The following SEPTIN9 variants were observed in gnomAD, a reference collection of about 807,000 sequenced individuals.
SEPTIN9 encodes septin-9.
In SEPTIN9, 13 loss-of-function variants were observed where a neutral mutation model predicts 56.6. The ratio of observed to expected loss-of-function variants is 0.23; its 90% CI spans 0.15 to 0.37. The LOEUF (loss-of-function observed/expected upper bound fraction) is 0.37, where lower values mean the gene tolerates loss of function less well. Ranked by LOEUF, SEPTIN9 falls within the 10% of genes least tolerant of loss-of-function variation. The pLI is 1.00. For missense variants in SEPTIN9, 650 were observed against 823.1 expected, an observed-to-expected ratio of 0.79 and a Z score of 2.57; for synonymous variants, 332 against 334.1, an observed-to-expected ratio of 0.99 and a Z score of 0.07.
At chr17:77,491,896 G>C (rs1161974403) in intron 8 of SEPTIN9, among the ~76,000 whole-genome samples, 1 of 151,896 alleles carries the variant, frequency 6.6e-6, no homozygotes. Context: ...GTGGGATAGG[G>C]AGGGGCATCC....
intron 2 of SEPTIN9, among the ~76,000 whole-genome samples, chr17:77,331,009 A>G (rs11868784): frequency 0.46 from 70,207 of 152,012 alleles, 16,957 homozygotes; most frequent in East Asian, 0.78. Context: ...CCATGCCAGC[A>G]GGCCCTGCTG....
chr17:77,298,995 G>T (rs1215963465), intron 1 of SEPTIN9, among the ~76,000 whole-genome samples: 3 of 152,100 alleles, frequency 2.0e-5, no homozygotes, highest in African/African-American at 7.2e-5. Flanking sequence ...GGCTTTAAAA[G>T]CTCCTCACTC....
At chr17:77,439,709 G>A (rs2037476154) in intron 3 of SEPTIN9, among the ~76,000 whole-genome samples, 1 of 152,170 alleles carries the variant, frequency 6.6e-6, no homozygotes, top group African/African-American at 2.4e-5. Context: ...CTTTATGACC[G>A]GCCCTGTCAC....
intron 1 of SEPTIN9, chr17:77,287,797 G>C: frequency 2.5e-6 from 2 of 807,504 alleles, no homozygotes; most frequent in South Asian, 5.8e-5. Context: ...AATCTGACCT[G>C]GTTCTCCAAA....
chr17:77,386,992 A>G (rs1348124472), intron 2 of SEPTIN9, among the ~76,000 whole-genome samples: 1 of 152,206 alleles, frequency 6.6e-6, no homozygotes, highest in Non-Finnish European at 1.5e-5. Context: ...GAAGAGTGGG[A>G]CACACGGGTG....
At chr17:77,343,003 G>GTCTGTCTGTCTGTCTGTCTGTCTATCTA (rs71160228) in intron 2 of SEPTIN9, among the ~76,000 whole-genome samples, 1 of 147,142 alleles carries the variant, frequency 6.8e-6, no homozygotes, top group African/African-American at 2.6e-5. Context: ...CTGTCTGTCT[G>GTCTGTCTGTCTGTCTGTCTGTCTATCTA]TCTATCTATC....
chr17:77,281,501 C>G lies in SEPTIN9; in HGVS notation c.-35C>G. 3 of 1,545,950 alleles carry G rather than the reference C, an allele frequency of 1.9e-6. 1 individual carries two copies. The highest frequency in any genetic ancestry group is 2.4e-5 in the South Asian group (2 of 83,792). On this transcript the variant is annotated 5_prime_UTR_variant, in exon 1 of 12. Coordinates refer to ENST00000427177, the MANE Select transcript of SEPTIN9 (RefSeq NM_001113491.2). ...AGCGCGCGCCCCGCTGCCTCGCCGC[C>G]ACACTTTCCTGGGAGCGGCGGCCAC...
At chr17:77,395,718 T>C (rs1333996453) in intron 2 of SEPTIN9, among the ~76,000 whole-genome samples, 2 of 152,230 alleles carry the variant, frequency 1.3e-5, no homozygotes, top group Non-Finnish European at 2.9e-5. Flanking sequence ...TGCACATGTG[T>C]GTATGAAATG....
chr17:77,340,114 C>A (rs984602914), intron 2 of SEPTIN9, among the ~76,000 whole-genome samples: 1 of 151,406 alleles, frequency 6.6e-6, no homozygotes, highest in Non-Finnish European at 1.5e-5. Context: ...CAGCTGTGAG[C>A]CACCGTGCTT....
rs1465485731 is a variant in SEPTIN9, at chr17:77,402,509, C to A, written c.527C>A (p.Pro176His). 2 of 1,603,856 alleles carry A rather than the reference C, an allele frequency of 1.2e-6. No individual in the cohort carries two copies. The highest frequency in any genetic ancestry group is 2.2e-5 in the South Asian group (2 of 89,578). The change falls in exon 3 of 12, where the codon CCC becomes CAC. Residue 176 changes from proline to histidine, a missense_variant. This residue lies in a region of SEPTIN9 where 317 missense variants were observed against 329.1 expected (regional missense o/e 0.96). Coordinates refer to ENST00000427177, the MANE Select transcript of SEPTIN9 (RefSeq NM_001113491.2). This position sits in a 1 kb window ranked among gnomAD's most constrained non-coding sequence, Gnocchi z 6.6. ...CCTGCCTCCAAGGTCCCCGAGGTGC[C>A]CACTGCCCCTGCCACCGACGCAGCC... ...EPPASKVPEVPTAPATDAAPK... is the reference protein window; with the variant it reads ...EPPASKVPEVHTAPATDAAPK...
rs1206178400 is a variant in SEPTIN9, at chr17:77,499,207, G to A, written c.*549G>A. ...TACCCCTGCCCTGCTCCTAAGGGTA[G>A]AAAACTCCAGGGTCCCCTGCCACCG... is the stretch of plus-strand genomic sequence containing the variant. On this transcript the variant is annotated 3_prime_UTR_variant, in exon 12 of 12. Coordinates refer to ENST00000427177, the MANE Select transcript of SEPTIN9 (RefSeq NM_001113491.2). The A allele has an allele frequency of 1.8e-6, 1 of 560,486 alleles. No individual in the cohort carries two copies. The highest frequency in any genetic ancestry group is 3.4e-6 in the Non-Finnish European group (1 of 290,370). The allele number at this position is 560,486 out of a possible 1,614,324, so 34.7% of individuals were successfully genotyped here.
At chr17:77,365,514 G>C (rs1449171746) in intron 2 of SEPTIN9, among the ~76,000 whole-genome samples, 1 of 152,056 alleles carries the variant, frequency 6.6e-6, no homozygotes, top group Non-Finnish European at 1.5e-5. Context: ...GGTAGGTACT[G>C]AGCTCCCTGT....
chr17:77,295,696 C>T (rs1478547523), intron 1 of SEPTIN9, among the ~76,000 whole-genome samples: 1 of 152,118 alleles, frequency 6.6e-6, no homozygotes, highest in East Asian at 1.9e-4. Context: ...GCTCCCCTCT[C>T]TTCCCACCCC....
intron 2 of SEPTIN9, chr17:77,320,383 C>G (rs1296971151): frequency 6.3e-7 from 1 of 1,584,324 alleles, no homozygotes; most frequent in East Asian, 2.2e-5. Flanking sequence ...CGGCCGCCCC[C>G]CACTGCCCTG....
intron 1 of SEPTIN9, among the ~76,000 whole-genome samples, chr17:77,300,056 A>G (rs2031969935): frequency 6.6e-6 from 1 of 152,160 alleles, no homozygotes; most frequent in Admixed American, 6.5e-5. Flanking sequence ...CTTCCGCTTC[A>G]CAGGGAGGAT....
rs534346346 is a variant in SEPTIN9, at chr17:77,436,725, C to T, written c.721+34022C>T. On this transcript the variant is annotated intron_variant, in intron 3 of 11. Coordinates refer to ENST00000427177, the MANE Select transcript of SEPTIN9 (RefSeq NM_001113491.2). This position sits in a 1 kb window ranked among gnomAD's most constrained non-coding sequence, Gnocchi z 4.4. ...GGCGGAGGTGGGCAAAAGCCGCTTC[C>T]GGGCAGCCAGCCCCCATCCTGGGAG... Among the ~76,000 whole-genome samples, 13 of 152,376 alleles carry T rather than the reference C, an allele frequency of 8.5e-5. No individual in the cohort carries two copies. The highest frequency in any genetic ancestry group is 1.9e-4 in the African/African-American group (8 of 41,594).
rs1424724472 is a variant in SEPTIN9 at position 77,436,231 on chromosome 17, G to C, written c.721+33528G>C. Among the ~76,000 whole-genome samples, 1 of 152,192 alleles carries C rather than the reference G, an allele frequency of 6.6e-6. No individual in the cohort carries two copies. The highest frequency in any genetic ancestry group is 1.5e-5 in the Non-Finnish European group (1 of 68,034). ...CCTCTCCAGCTTTCCCAGGGAAAGG[G>C]CAGGAACAGAGAGGCCTTATCTTCA... On this transcript the variant is annotated intron_variant, in intron 3 of 11. Coordinates refer to ENST00000427177, the MANE Select transcript of SEPTIN9 (RefSeq NM_001113491.2). This position sits in a 1 kb window ranked among gnomAD's most constrained non-coding sequence, Gnocchi z 4.4.
At chr17:77,334,655 C>G (rs1264321739) in intron 2 of SEPTIN9, among the ~76,000 whole-genome samples, 1 of 151,870 alleles carries the variant, frequency 6.6e-6, no homozygotes, top group Non-Finnish European at 1.5e-5. Flanking sequence ...AAATCTTTGC[C>G]TACACTAAGG....
At position 77,319,435 on chromosome 17, in the gene SEPTIN9, C is replaced by A; in HGVS notation, c.76+12238C>A. On this transcript the variant is annotated intron_variant, in intron 2 of 11. Coordinates refer to ENST00000427177, the MANE Select transcript of SEPTIN9 (RefSeq NM_001113491.2). The surrounding 1 kb of genome is among the most constrained non-coding windows in gnomAD (Gnocchi z 5.3). Reference sequence around the variant, plus strand: ...CTCCCAGGGGACGGCTAGAGACTCACTGACTCATGCGTGTGTGGTAGGAAT... The same window carrying A: ...CTCCCAGGGGACGGCTAGAGACTCAATGACTCATGCGTGTGTGGTAGGAAT... 1 of 569,648 alleles carries A rather than the reference C, an allele frequency of 1.8e-6. No homozygotes were observed. The highest frequency in any genetic ancestry group is 2.3e-6 in the Non-Finnish European group (1 of 439,110). 35.3% of individuals were successfully genotyped at this position (569,648 alleles called of 1,614,324 possible).
Sources: allele counts gnomAD v4.1 joint callset (sites outside exome capture counted in the v4.1 genomes callset), GRCh38; gene constraint gnomAD v4.1.1; regional missense constraint gnomAD v4.1.1; non-coding constraint Gnocchi (gnomAD v3.1); transcripts MANE v1.5; gene names NCBI Gene and HGNC (gene_info 2026-07-23, HGNC 2026-07-21).